RRAGD: variants seen among roughly 807,000 people sequenced by gnomAD.
The protein encoded by RRAGD is Ras related GTP binding D.
Under a neutral mutation model 35.5 loss-of-function variants are expected in RRAGD, and 12 were observed. The observed-to-expected ratio is 0.34, with a 90% confidence interval of 0.22 to 0.55. The LOEUF (loss-of-function observed/expected upper bound fraction) is 0.55, where lower values mean the gene tolerates loss of function less well. Ranked by LOEUF, RRAGD falls within the 20% of genes least tolerant of loss-of-function variation. The pLI, the probability that RRAGD is intolerant of heterozygous loss-of-function variation, is 0.91. For synonymous variants in RRAGD, 155 were observed against 178.9 expected (o/e 0.87, Z 1.07); for missense variants, 324 against 490.1 (o/e 0.66, Z 3.20).
At chr6:89,370,172 G>GGT (rs1768831698) in intron 6 of RRAGD, among the ~76,000 whole-genome samples, 1 of 152,076 alleles carries the variant, frequency 6.6e-6, no homozygotes, top group African/African-American at 2.4e-5. Context: ...GACATGAGAG[G>GGT]GTGAAACAAG....
chr6:89,390,833 A>G (rs994065659), intron 1 of RRAGD, among the ~76,000 whole-genome samples: 2 of 152,036 alleles, frequency 1.3e-5, no homozygotes, highest in Admixed American at 1.3e-4. Context: ...GGGAGGCAGC[A>G]GTTGCAGTGA....
chr6:89,374,948 C>A (rs1768913351), intron 5 of RRAGD, among the ~76,000 whole-genome samples: 1 of 151,874 alleles, frequency 6.6e-6, no homozygotes, highest in African/African-American at 2.4e-5. Context: ...GTTCTGAGAA[C>A]AAGAAACTGA....
intron 1 of RRAGD, among the ~76,000 whole-genome samples, chr6:89,399,017 A>G (rs1020863661): frequency 2.6e-5 from 4 of 152,058 alleles, no homozygotes; most frequent in African/African-American, 9.7e-5. Flanking sequence ...TGCAAGCAAA[A>G]CTCCTCGTTA....
At chr6:89,399,051 T>G in intron 1 of RRAGD, among the ~76,000 whole-genome samples, 1 of 152,198 alleles carries the variant, frequency 6.6e-6, no homozygotes, top group East Asian at 1.9e-4. Context: ...TGCAAAAATA[T>G]TCATGTGTTT....
chr6:89,401,045 G>A (rs1018401298), intron 1 of RRAGD, among the ~76,000 whole-genome samples: 5 of 152,156 alleles, frequency 3.3e-5, no homozygotes, highest in Admixed American at 3.3e-4. Context: ...TGACAAACTG[G>A]CAATTACCAT....
At chr6:89,377,549 A>G in intron 5 of RRAGD, 122 bp downstream of exon 5, 1 of 872,720 alleles carries the variant, frequency 1.1e-6, no homozygotes, top group Non-Finnish European at 1.7e-6. Flanking sequence ...ATATTTATTT[A>G]TAGATTTCAG....
chr6:89,377,490 T>G (rs768464757), intron 5 of RRAGD, among the ~76,000 whole-genome samples, 181 bp downstream of exon 5: 1 of 152,218 alleles, frequency 6.6e-6, no homozygotes, highest in Admixed American at 6.5e-5. Flanking sequence ...GAGATTAGCA[T>G]AATGCGTGGC....
At chr6:89,381,354 A>C (rs1273946981) in intron 2 of RRAGD, among the ~76,000 whole-genome samples, 1 of 152,130 alleles carries the variant, frequency 6.6e-6, no homozygotes, top group African/African-American at 2.4e-5. Flanking sequence ...AATTGCCCCA[A>C]ACAATACTAA....
In RRAGD at chr6:89,412,013, G is replaced by C; in HGVS notation, c.-20C>G. 1 of 1,522,108 alleles carries C rather than the reference G, an allele frequency of 6.6e-7. No homozygotes were observed. Among genetic ancestry groups the C allele is most frequent in the Non-Finnish European group, 8.8e-7 (1 of 1,139,866 alleles). The allele number at this position is 1,522,108 out of a possible 1,614,324, so 94.3% of individuals were successfully genotyped here. On this transcript the variant is annotated 5_prime_UTR_variant, in exon 1 of 7. Transcript: ENST00000369415. The surrounding 1 kb of genome is among the most constrained non-coding windows in gnomAD (Gnocchi z 4.2). ...GCTCATCGTGCCCACCGGCCGGCCG[G>C]CCCGGGGACGGCGGGGGTCCCGGGG...
Position 89,367,242 on chromosome 6 carries a change from A to G in RRAGD, c.*814T>C, listed in dbSNP as rs1396723066. On this transcript the variant is annotated 3_prime_UTR_variant, in exon 7 of 7. Coordinates refer to ENST00000369415, the MANE Select transcript of RRAGD (RefSeq NM_021244.5). ...GTACAGAAAAGCCTCCAGAAACCCT[A>G]CAATTCAGTGACATTCTTACTTCTC... 2 of 152,186 alleles carry G rather than the reference A, an allele frequency of 1.3e-5. No homozygotes were observed. The allele number at this position is 152,186 out of a possible 1,614,324, so 9.4% of individuals were successfully genotyped here. A position where few individuals can be genotyped will look rare whatever the true frequency, so the allele number is the denominator to read the frequency against.
intron 1 of RRAGD, among the ~76,000 whole-genome samples, chr6:89,403,164 G>A (rs139387109): frequency 0.012 from 1,858 of 152,234 alleles, 31 homozygotes; most frequent in African/African-American, 0.042. Flanking sequence ...ACTGTCGGCC[G>A]GGCGCGGTGG....
intron 2 of RRAGD, among the ~76,000 whole-genome samples, chr6:89,382,980 T>A (rs59509743): frequency 0.037 from 5,639 of 152,304 alleles, 361 homozygotes; most frequent in African/African-American, 0.13. Context: ...TGGTTCCACA[T>A]AGATGAAATT....
chr6:89,368,144 A>C lies in RRAGD; in HGVS notation c.1115T>G (p.Met372Arg). Reference protein sequence around the residue: ...KAIHEVFEVRMKVVKSRKVQN... With the variant: ...KAIHEVFEVRRKVVKSRKVQN... ...AACCTTTCGAGATTTTACTACTTTC[A>C]TTCTCACCTCAAAAACTTCATGAAT... Residue 372 changes from methionine (M) to arginine (R), a missense_variant, in exon 7 of 7, where the codon ATG becomes AGG. By Grantham distance (91) the Met-to-Arg change is moderately conservative. Around this residue, in one of 5 missense-constraint regions of RRAGD, gnomAD observed 68 missense variants for 76.8 expected, o/e 0.89. Transcript: ENST00000369415. 1 of 1,613,856 alleles carries C rather than the reference A, an allele frequency of 6.2e-7. No homozygotes were observed. The highest frequency in any genetic ancestry group is 8.5e-7 in the Non-Finnish European group (1 of 1,179,822).
Position 89,368,087 on chromosome 6 carries a change from G to T in RRAGD, c.1172C>A (p.Thr391Asn). Residue 391 changes from threonine (T) to asparagine (N), a missense_variant, in exon 7 of 7, where the codon ACC becomes AAC. Transcript: ENST00000369415. ...CAGCACTCTAGGGGTCCCATTAGGGGTGGCTCTCTTTTTCTTCTGCAGCCG... is the reference window on the plus strand; with the variant it reads ...CAGCACTCTAGGGGTCCCATTAGGGTTGGCTCTCTTTTTCTTCTGCAGCCG... Reference protein sequence around the residue: ...QNRLQKKKRATPNGTPRVLL With the variant: ...QNRLQKKKRANPNGTPRVLL 1.2e-6 allele frequency: 2 copies of T among 1,613,914 alleles called. No homozygotes were observed. The highest frequency in any genetic ancestry group is 1.7e-6 in the Non-Finnish European group (2 of 1,179,926).
chr6:89,372,694 G>T, intron 5 of RRAGD, 109 bp from the exon 6 acceptor site: 1 of 1,134,214 alleles, frequency 8.8e-7, no homozygotes. Flanking sequence ...ATCATAAGTT[G>T]TTTACACTTG....
intron 1 of RRAGD, among the ~76,000 whole-genome samples, chr6:89,401,357 G>A (rs951494239): frequency 2.6e-5 from 4 of 151,588 alleles, no homozygotes; most frequent in Middle Eastern, 3.4e-3. Flanking sequence ...TCCCAGGTTC[G>A]AGCGATTCTC....
intron 1 of RRAGD, among the ~76,000 whole-genome samples, chr6:89,400,868 C>T (rs922965671): frequency 6.6e-6 from 1 of 152,190 alleles, no homozygotes; most frequent in African/African-American, 2.4e-5. Context: ...TACAGGAGGG[C>T]TCCCCTTCAA....
rs1769364482 is a variant in RRAGD at position 89,397,613 on chromosome 6, A to C, written c.149-10023T>G. Reference sequence around the variant, plus strand: ...AGCGAGACTCCGTCTCAAAAAAAAAACAAAAAAAAACAAAAAAAACCTGTA... The same window carrying C: ...AGCGAGACTCCGTCTCAAAAAAAAACCAAAAAAAAACAAAAAAAACCTGTA... On this transcript the variant is annotated intron_variant, in intron 1 of 6. Transcript: ENST00000369415. Among the ~76,000 whole-genome samples, 3 of 141,648 alleles carry C rather than the reference A, an allele frequency of 2.1e-5. No individual in the cohort carries two copies. In the Middle Eastern group the frequency reaches 0.011, roughly 510 times the overall value. The allele number at this position is 141,648 out of a possible 152,430, so 92.9% of individuals were successfully genotyped here.
rs1378763540 is a variant in RRAGD, at chr6:89,365,455, G to A, written c.*2601C>T. 6.6e-6 allele frequency: 1 copy of A among 152,108 alleles called. No homozygotes were observed. Among genetic ancestry groups the A allele is most frequent in the Non-Finnish European group, 1.5e-5 (1 of 68,030 alleles). The allele number at this position is 152,108 out of a possible 1,614,324, so 9.4% of individuals were successfully genotyped here. A position where few individuals can be genotyped will look rare whatever the true frequency, so the allele number is the denominator to read the frequency against. On this transcript the variant is annotated 3_prime_UTR_variant, in exon 7 of 7. Coordinates refer to ENST00000369415, the MANE Select transcript of RRAGD (RefSeq NM_021244.5). Reference sequence around the variant, plus strand: ...AGAATGAAACATGGCCATACACATCGCAATAAGCTGCCTCTCATATCAAAA... The same window carrying A: ...AGAATGAAACATGGCCATACACATCACAATAAGCTGCCTCTCATATCAAAA...
Sources: allele counts gnomAD v4.1 joint callset (sites outside exome capture counted in the v4.1 genomes callset), GRCh38; gene constraint gnomAD v4.1.1; regional missense constraint gnomAD v4.1.1; non-coding constraint Gnocchi (gnomAD v3.1); transcripts MANE v1.5; gene names NCBI Gene and HGNC (gene_info 2026-07-23, HGNC 2026-07-21).